Variants in SETBP1 observed in about 807,000 individuals in gnomAD.
SETBP1 encodes the protein SET-binding protein.
In SETBP1, 9 loss-of-function variants were observed where a neutral mutation model predicts 101.0. That is an observed-to-expected ratio of 0.09 (90% CI 0.05 to 0.16). SETBP1 has a LOEUF of 0.16. SETBP1 is among the 10% of genes least tolerant of loss of function. SETBP1 has a pLI of 1.00. For synonymous variants in SETBP1, 818 were observed against 788.5 expected (o/e 1.04, Z -0.63); for missense variants, 1,858 against 2,033.8 (o/e 0.91, Z 1.66).
chr18:44,784,387 G>A (rs1248801897), intron 2 of SETBP1, among the ~76,000 whole-genome samples: 1 of 152,038 alleles, frequency 6.6e-6, no homozygotes, highest in Non-Finnish European at 1.5e-5. Flanking sequence ...GCCTGGCCCA[G>A]TGCCTCCCCA....
intron 2 of SETBP1, among the ~76,000 whole-genome samples, chr18:44,802,743 T>C (rs2071632765): frequency 6.6e-6 from 1 of 152,174 alleles, no homozygotes; most frequent in South Asian, 2.1e-4. Context: ...GACTCATAGT[T>C]ACTTAATGAA....
chr18:44,695,610 G>T (rs777282345), intron 1 of SETBP1, among the ~76,000 whole-genome samples: 1 of 152,194 alleles, frequency 6.6e-6, no homozygotes, highest in Non-Finnish European at 1.5e-5. Context: ...TGTGGTATGG[G>T]AATTTGCAGA....
intron 2 of SETBP1, among the ~76,000 whole-genome samples, chr18:44,820,065 G>C (rs1385515633): frequency 6.6e-6 from 1 of 152,232 alleles, no homozygotes; most frequent in African/African-American, 2.4e-5. Context: ...GAGACTGGCT[G>C]GTTATGAGGA....
At chr18:44,876,555 C>T (rs1171196285) in intron 3 of SETBP1, 6 of 1,545,666 alleles carry the variant, frequency 3.9e-6, no homozygotes, top group African/African-American at 1.4e-5. Context: ...TCAGCCTCCT[C>T]ATTTTCTAGA....
At chr18:44,975,425 G>A (rs2071964501) in intron 4 of SETBP1, among the ~76,000 whole-genome samples, 1 of 152,122 alleles carries the variant, frequency 6.6e-6, no homozygotes, top group Non-Finnish European at 1.5e-5. Context: ...TCTCACGTTA[G>A]CAATTCCATC....
chr18:44,970,816 G>T (rs1186472744), intron 4 of SETBP1, among the ~76,000 whole-genome samples: 1 of 151,900 alleles, frequency 6.6e-6, no homozygotes, highest in Non-Finnish European at 1.5e-5. Flanking sequence ...CTCCCAAAGT[G>T]CTGGGATTAC....
At chr18:44,823,505 A>G (rs1286444882) in intron 2 of SETBP1, among the ~76,000 whole-genome samples, 1 of 152,220 alleles carries the variant, frequency 6.6e-6, no homozygotes. Context: ...TTTGGTGCTG[A>G]AAACACTTGC....
intron 2 of SETBP1, among the ~76,000 whole-genome samples, chr18:44,856,055 G>GC (rs1555691871): frequency 4.5e-5 from 6 of 133,130 alleles, no homozygotes; most frequent in Non-Finnish European, 9.8e-5. Flanking sequence ...AATCCATCTT[G>GC]TTTTTTTTTT....
chr18:44,772,796 T>C (rs930804623), intron 2 of SETBP1, among the ~76,000 whole-genome samples: 4 of 152,168 alleles, frequency 2.6e-5, no homozygotes, highest in African/African-American at 9.7e-5. Context: ...GAATTAAATA[T>C]AGTAATCAAT....
At chr18:44,778,857 A>G (rs1341739654) in intron 2 of SETBP1, among the ~76,000 whole-genome samples, 1 of 152,240 alleles carries the variant, frequency 6.6e-6, no homozygotes, top group Non-Finnish European at 1.5e-5. Context: ...ACTGCCTGCC[A>G]AGGTCTATTT....
intron 2 of SETBP1, among the ~76,000 whole-genome samples, chr18:44,844,948 G>A (rs2072695742): frequency 1.3e-5 from 2 of 152,194 alleles, no homozygotes; most frequent in Non-Finnish European, 2.9e-5. Context: ...TCATGCTTGG[G>A]GCCAGGAGAG....
rs749462781 is a variant in SETBP1 at position 45,063,594 on chromosome 18, C to A, written c.4687C>A (p.Pro1563Thr). ...ACACAAACCGCAGGCCCCCGCTCAG[C>A]CCCCACAGCAGTCGCCCCCGCAGCA... ...RKHKPQAPAQPPQQSPPQQPL... is the reference protein window; with the variant it reads ...RKHKPQAPAQTPQQSPPQQPL... Residue 1563 changes from proline (P) to threonine (T), a missense_variant, in exon 6 of 6, where the codon CCC becomes ACC. This residue lies in a region of SETBP1 where 178 missense variants were observed against 189.1 expected (regional missense o/e 0.94). Transcript: ENST00000649279. 15 of 1,584,428 alleles carry A rather than the reference C, an allele frequency of 9.5e-6. No homozygotes were observed. The highest frequency in any genetic ancestry group is 1.3e-5 in the Non-Finnish European group (15 of 1,165,084).
chr18:45,016,729 G>A (rs1189074328), intron 4 of SETBP1, among the ~76,000 whole-genome samples: 2 of 121,296 alleles, frequency 1.6e-5, no homozygotes, highest in Admixed American at 1.7e-4. Flanking sequence ...ACATTGGTGC[G>A]CGCACACACA....
At chr18:44,840,494 C>CAAAAA (rs2072594357) in intron 2 of SETBP1, among the ~76,000 whole-genome samples, 2 of 152,236 alleles carry the variant, frequency 1.3e-5, no homozygotes, top group Admixed American at 1.3e-4. Flanking sequence ...CACCTCAGGT[C>CAAAAA]TGGGCTGTTT....
At chr18:44,796,561 A>C (rs1334319051) in intron 2 of SETBP1, among the ~76,000 whole-genome samples, 2 of 152,230 alleles carry the variant, frequency 1.3e-5, no homozygotes, top group East Asian at 3.8e-4. Context: ...CTGCAGCATG[A>C]GTTGAGAATC....
At chr18:44,884,530 C>T (rs1404616673) in intron 3 of SETBP1, among the ~76,000 whole-genome samples, 1 of 152,112 alleles carries the variant, frequency 6.6e-6, no homozygotes, top group East Asian at 1.9e-4. Flanking sequence ...GGGCCATGAA[C>T]CTCACTTCCA....
At chr18:45,016,833 A>G (rs2072956339) in intron 4 of SETBP1, among the ~76,000 whole-genome samples, 1 of 112,702 alleles carries the variant, frequency 8.9e-6, no homozygotes, top group African/African-American at 3.4e-5. Flanking sequence ...CCGGAGGGCC[A>G]GTGACTCACA....
intron 2 of SETBP1, among the ~76,000 whole-genome samples, chr18:44,836,643 C>T (rs1228966458): frequency 1.3e-5 from 2 of 152,208 alleles, no homozygotes; most frequent in East Asian, 3.8e-4. Flanking sequence ...TTTGATGCTT[C>T]TCAATACTAG....
intron 3 of SETBP1, among the ~76,000 whole-genome samples, chr18:44,908,383 T>C (rs893043028): frequency 6.6e-6 from 1 of 152,176 alleles, no homozygotes. Flanking sequence ...CTTCTCCTTC[T>C]TCTTCTCCAC....
Sources: allele counts gnomAD v4.1 joint callset (sites outside exome capture counted in the v4.1 genomes callset), GRCh38; gene constraint gnomAD v4.1.1; regional missense constraint gnomAD v4.1.1; transcripts MANE v1.5; gene names NCBI Gene and HGNC (gene_info 2026-07-23, HGNC 2026-07-21).